CELSR1: variants seen among roughly 807,000 people sequenced by gnomAD.
CELSR1 encodes the protein cadherin EGF LAG seven-pass G-type receptor 1.
In CELSR1, 110 loss-of-function variants were observed where a neutral mutation model predicts 249.1. That is an observed-to-expected ratio of 0.44 (90% CI 0.38 to 0.52). The LOEUF (loss-of-function observed/expected upper bound fraction) is 0.52. Among genes scored for constraint, CELSR1 ranks in the 20% least tolerant of loss-of-function variants. The probability of loss-of-function intolerance (pLI) is 0.00; values close to 1 mark genes in which losing one functional copy is unlikely to be tolerated. For missense variants in CELSR1, 4,109 were observed against 4,296.4 expected (o/e 0.96, Z 1.22); for synonymous variants, 2,113 against 1,900.0 (o/e 1.11, Z -2.92).
chr22:46,498,475 G>A (rs995148987), intron 1 of CELSR1, among the ~76,000 whole-genome samples: 2 of 151,480 alleles, frequency 1.3e-5, no homozygotes, highest in African/African-American at 4.9e-5. Flanking sequence ...AGCCGGGCGT[G>A]GTGGCAGGGG....
intron 18 of CELSR1, among the ~76,000 whole-genome samples, chr22:46,387,474 G>A (rs1324668175): frequency 1.3e-5 from 2 of 148,150 alleles, no homozygotes; most frequent in African/African-American, 2.7e-5. Flanking sequence ...TCTGCCTCCC[G>A]GGTTCAAGCA....
rs548432553 is a variant in CELSR1 at position 46,506,540 on chromosome 22, C to G, written c.3544+27087G>C. Among the ~76,000 whole-genome samples the G allele has an allele frequency of 3.3e-4, 50 of 152,344 alleles. No homozygotes were observed. The highest frequency in any genetic ancestry group is 1.4e-3 in the Admixed American group (21 of 15,306). ...AGCCTCAGCCCCAGCCCCAGCCCCC[C>G]AAGTCTCACAAGTCCAGAGAGCTGT... On this transcript the variant is annotated intron_variant, in intron 1 of 34. Transcript: ENST00000674500. This position sits in a 1 kb window ranked among gnomAD's most constrained non-coding sequence, Gnocchi z 4.1.
intron 1 of CELSR1, among the ~76,000 whole-genome samples, chr22:46,521,462 G>A (rs958366815): frequency 3.3e-5 from 5 of 150,760 alleles, no homozygotes; most frequent in Non-Finnish European, 5.9e-5. Flanking sequence ...CCGAGATCGC[G>A]CCACTGCACT....
intron 5 of CELSR1, among the ~76,000 whole-genome samples, chr22:46,420,227 C>T (rs1192137958): frequency 2.0e-5 from 3 of 152,064 alleles, no homozygotes; most frequent in African/African-American, 4.8e-5. Context: ...CCCACATTCA[C>T]ACCCACATAT....
In CELSR1 at chr22:46,433,427, C is replaced by T. The variant is rs377640697; in HGVS notation, c.4577G>A (p.Arg1526Gln). The T allele has an allele frequency of 1.2e-5, 19 of 1,613,778 alleles. No homozygotes were observed. Among genetic ancestry groups the T allele is most frequent in the East Asian group, 8.9e-5 (4 of 44,860 alleles). ...GTACTGCACCTGCACAGAGTGCCAC[C>T]GCCCGTCACTCACACCACTGGGAAC... ...PKVPSGVSDG[R>Q]WHSVQVQYYN... The change falls in exon 5 of 35, where the codon CGG (arginine) becomes CAG (glutamine). Residue 1526 changes from arginine to glutamine, a missense_variant. Physicochemically the swap from Arg to Gln is conservative, Grantham distance 43. Around this residue, in one of 7 missense-constraint regions of CELSR1, gnomAD observed 453 missense variants for 492.0 expected, o/e 0.92. Coordinates refer to ENST00000674500, the MANE Select transcript of CELSR1 (RefSeq NM_001378328.1). This position sits in a 1 kb window ranked among gnomAD's most constrained non-coding sequence, Gnocchi z 5.7.
chr22:46,408,956 C>A lies in CELSR1; in HGVS notation c.5226+40G>T. On this transcript the variant is annotated intron_variant, in intron 9 of 34. Transcript: ENST00000674500. This position sits in a 1 kb window ranked among gnomAD's most constrained non-coding sequence, Gnocchi z 4.6. ...GCGCCTGGGTCCCTCCCTCGGGCAC[C>A]CACCTAGCAGGTGCCTTGGTGGCAC... The A allele has an allele frequency of 6.5e-7, 1 of 1,540,086 alleles. No homozygotes were observed. The highest frequency in any genetic ancestry group is 1.2e-5 in the South Asian group (1 of 80,558).
chr22:46,396,532 G>GA lies in CELSR1; in HGVS notation c.5843+72dup. 7.2e-7 allele frequency: 1 copy of GA among 1,383,098 alleles called. No individual in the cohort carries two copies. The highest frequency in any genetic ancestry group is 1.9e-5 in the South Asian group (1 of 51,508). 85.7% of individuals were successfully genotyped at this position (1,383,098 alleles called of 1,614,324 possible). ...TATCTTTGGGTCAAAATAAGAAAGA[G>GA]AAGACACTGAGTCGAGGGAACACAG... On this transcript the variant is annotated intron_variant, in intron 13 of 34. Transcript: ENST00000674500. The surrounding 1 kb of genome is among the most constrained non-coding windows in gnomAD (Gnocchi z 6.4).
chr22:46,458,195 AGT>A (rs558610691), intron 2 of CELSR1, among the ~76,000 whole-genome samples: 1 of 152,134 alleles, frequency 6.6e-6, no homozygotes, highest in African/African-American at 2.4e-5. Flanking sequence ...GAGAGAGGCC[AGT>A]GTGTGTCCCG....
rs2079411366 is a variant in CELSR1, at chr22:46,417,037, T to C, written c.4612-5278A>G. Among the ~76,000 whole-genome samples, 1 of 152,110 alleles carries C rather than the reference T, an allele frequency of 6.6e-6. No homozygotes were observed. Among genetic ancestry groups the C allele is most frequent in the Non-Finnish European group, 1.5e-5 (1 of 68,020 alleles). ...AATTCATGCTCTGTGTCAGAAATGA[T>C]TAACCAACGTTCATATCAAAGAATT... On this transcript the variant is annotated intron_variant, in intron 5 of 34. Coordinates refer to ENST00000674500, the MANE Select transcript of CELSR1 (RefSeq NM_001378328.1). The surrounding 1 kb of genome is among the most constrained non-coding windows in gnomAD (Gnocchi z 4.1).
At chr22:46,443,513 C>T (rs956427888) in intron 2 of CELSR1, among the ~76,000 whole-genome samples, 3 of 152,244 alleles carry the variant, frequency 2.0e-5, no homozygotes, top group Non-Finnish European at 4.4e-5. Flanking sequence ...TGGGGGTCAG[C>T]CCACCACAGA....
chr22:46,369,473 A>T (rs1189666189), intron 26 of CELSR1, among the ~76,000 whole-genome samples: 2 of 152,166 alleles, frequency 1.3e-5, no homozygotes, highest in Non-Finnish European at 2.9e-5. Context: ...TGGGTGCTGG[A>T]CGCAGATGGT....
chr22:46,528,499 A>G (rs1403857260), intron 1 of CELSR1, among the ~76,000 whole-genome samples: 7 of 152,226 alleles, frequency 4.6e-5, no homozygotes, highest in Non-Finnish European at 7.3e-5. Context: ...CAAGCTCCGC[A>G]TTCTGCAACA....
chr22:46,460,911 G>A (rs965688838), intron 2 of CELSR1, among the ~76,000 whole-genome samples: 72 of 152,156 alleles, frequency 4.7e-4, no homozygotes, highest in African/African-American at 1.6e-3. Flanking sequence ...CAAATTTGTT[G>A]AGCTTTTCCT....
At chr22:46,438,774 T>C (rs909824821) in intron 3 of CELSR1, among the ~76,000 whole-genome samples, 6 of 152,146 alleles carry the variant, frequency 3.9e-5, no homozygotes, top group African/African-American at 1.2e-4. Flanking sequence ...TGTGGTTTTT[T>C]TTGAGATGGA....
At position 46,433,515 on chromosome 22, in the gene CELSR1, A is replaced by G. The variant is rs145294380; in HGVS notation, c.4523-34T>C. ...TGGGAGGGAGACCCAGAGAGAAAAC[A>G]GGGGTTGGCGGGGCCTACTGGGGAC... On this transcript the variant is annotated intron_variant, in intron 4 of 34. Coordinates refer to ENST00000674500, the MANE Select transcript of CELSR1 (RefSeq NM_001378328.1). The surrounding 1 kb of genome is among the most constrained non-coding windows in gnomAD (Gnocchi z 5.7). 4.6e-3 allele frequency: 7,303 copies of G among 1,585,690 alleles called. 32 individuals carry two copies. Among genetic ancestry groups the G allele is most frequent in the South Asian group, 8.1e-3 (728 of 89,596 alleles).
At position 46,366,399 on chromosome 22, in the gene CELSR1, C is replaced by G; in HGVS notation, c.8287G>C (p.Asp2763His). 6.5e-7 allele frequency: 1 copy of G among 1,549,406 alleles called. No individual in the cohort carries two copies. The highest frequency in any genetic ancestry group is 8.7e-7 in the Non-Finnish European group (1 of 1,146,334). Residue 2763 changes from aspartate to histidine, a missense_variant, in exon 30 of 35, where the codon GAC (aspartate) becomes CAC (histidine). Physicochemically the swap from Asp to His is moderately conservative, Grantham distance 81. Coordinates refer to ENST00000674500, the MANE Select transcript of CELSR1 (RefSeq NM_001378328.1). ...TDLGESTASL[D>H]SIVRDEGIQK... The stretch of plus-strand genomic sequence containing the variant: ...CTGCGGCCTGACCTGACGATGCTGT[C>G]CAGCGAGGCGGTGGACTCGCCCAAG...
chr22:46,365,137 A>G, intron 32 of CELSR1, 94 bp downstream of exon 32: 1 of 1,471,264 alleles, frequency 6.8e-7, no homozygotes, highest in Non-Finnish European at 9.1e-7. Context: ...GCTGCTGGGC[A>G]TATCCTGGGA....
intron 24 of CELSR1, among the ~76,000 whole-genome samples, chr22:46,376,117 G>A (rs1022129647): frequency 6.6e-6 from 1 of 152,164 alleles, no homozygotes; most frequent in African/African-American, 2.4e-5. Context: ...GTTTCCCCTA[G>A]TCCTAGTCTG....
At chr22:46,405,874 A>G (rs2079260696) in intron 9 of CELSR1, among the ~76,000 whole-genome samples, 1 of 152,142 alleles carries the variant, frequency 6.6e-6, no homozygotes, top group East Asian at 1.9e-4. Context: ...GAAATCCCCC[A>G]GAACCTTCGG....
Sources: allele counts gnomAD v4.1 joint callset (sites outside exome capture counted in the v4.1 genomes callset), GRCh38; gene constraint gnomAD v4.1.1; regional missense constraint gnomAD v4.1.1; non-coding constraint Gnocchi (gnomAD v3.1); transcripts MANE v1.5; gene names NCBI Gene and HGNC (gene_info 2026-07-23, HGNC 2026-07-21).